Variants in PRIMA1 observed in about 807,000 individuals in gnomAD.
PRIMA1 encodes proline rich membrane anchor 1.
Under a neutral mutation model 17.5 loss-of-function variants are expected in PRIMA1, and 7 were observed. That is an observed-to-expected ratio of 0.40 (90% CI 0.23 to 0.75). The LOEUF is 0.75. Among genes scored for constraint, PRIMA1 ranks in the 30% least tolerant of loss-of-function variants. PRIMA1 has a pLI of 0.37. For synonymous variants in PRIMA1, 97 were observed against 77.9 expected (o/e 1.25, Z -1.29); for missense variants, 200 against 201.8 (o/e 0.99, Z 0.05).
At chr14:93,769,979 C>A (rs563358343) in intron 3 of PRIMA1, among the ~76,000 whole-genome samples, 12 of 152,122 alleles carry the variant, frequency 7.9e-5, no homozygotes, top group Non-Finnish European at 1.3e-4. Flanking sequence ...GGAGAGGGGG[C>A]GCCAAGTGAC....
rs1172258998 is a variant in PRIMA1 at position 93,726,054 on chromosome 14, G to A, written c.360-4508C>T. The A allele has an allele frequency of 4.4e-6, 2 of 456,546 alleles. No individual in the cohort carries two copies. The highest frequency in any genetic ancestry group is 1.4e-4 in the East Asian group (2 of 14,384). The allele number at this position is 456,546 out of a possible 1,614,324, so 28.3% of individuals were successfully genotyped here. The stretch of plus-strand genomic sequence containing the variant: ...GTGAGACTTTCCTTGGCGGCACCCA[G>A]GATTCCTGCTTGTAGGAGGGTGGGC... On this transcript the variant is annotated intron_variant, in intron 4 of 4. Transcript: ENST00000393140. This position sits in a 1 kb window ranked among gnomAD's most constrained non-coding sequence, Gnocchi z 4.2.
At chr14:93,753,937 C>T (rs1214372376) in intron 3 of PRIMA1, among the ~76,000 whole-genome samples, 1 of 152,178 alleles carries the variant, frequency 6.6e-6, no homozygotes, top group East Asian at 1.9e-4. Flanking sequence ...TCACGGGCAC[C>T]GTTGCTTATG....
At chr14:93,782,458 A>T (rs537696759) in intron 2 of PRIMA1, among the ~76,000 whole-genome samples, 15,729 of 149,160 alleles carry the variant, frequency 0.11, 1,016 homozygotes, top group Admixed American at 0.21. Context: ...ATCTCTACAA[A>T]TTTTTTTTTT....
At chr14:93,760,244 G>A (rs1177820894) in intron 3 of PRIMA1, among the ~76,000 whole-genome samples, 5 of 152,140 alleles carry the variant, frequency 3.3e-5, no homozygotes, top group Non-Finnish European at 5.9e-5. Flanking sequence ...TCCCATCTCC[G>A]TGAGATTCAT....
chr14:93,739,624 T>C (rs1337451195), intron 3 of PRIMA1, among the ~76,000 whole-genome samples: 3 of 152,160 alleles, frequency 2.0e-5, no homozygotes, highest in East Asian at 3.9e-4. Context: ...AGGAAGAAGA[T>C]GGCAAGAAGG....
At chr14:93,780,970 T>C (rs1885359126) in intron 2 of PRIMA1, among the ~76,000 whole-genome samples, 1 of 152,242 alleles carries the variant, frequency 6.6e-6, no homozygotes, top group African/African-American at 2.4e-5. Flanking sequence ...CTTTGAATGC[T>C]GATCCAGCCC....
At chr14:93,777,329 A>C (rs1420256924) in intron 3 of PRIMA1, among the ~76,000 whole-genome samples, 1 of 144,592 alleles carries the variant, frequency 6.9e-6, no homozygotes, top group Non-Finnish European at 1.6e-5. Context: ...AGCAACCTGG[A>C]ACAATCCCAT....
chr14:93,725,685 AT>A (rs2076070866), intron 4 of PRIMA1, among the ~76,000 whole-genome samples: 1 of 152,148 alleles, frequency 6.6e-6, no homozygotes. Flanking sequence ...ACGTTAGTCC[AT>A]GTCAAGCACT....
In PRIMA1 at chr14:93,727,031, C is replaced by A. The variant is rs563075397; in HGVS notation, c.360-5485G>T. 3.3e-5 allele frequency among the ~76,000 whole-genome samples: 5 copies of A among 152,292 alleles called. No individual in the cohort carries two copies. The East Asian group carries it at 9.6e-4, about 29-fold the overall frequency. ...ACCTGGGTCAAGAAGCTACAAAAAGCCTTTCTGAGCCTCGAGGGCGTCACC... is the reference window on the plus strand; with the variant it reads ...ACCTGGGTCAAGAAGCTACAAAAAGACTTTCTGAGCCTCGAGGGCGTCACC... On this transcript the variant is annotated intron_variant, in intron 4 of 4. Transcript: ENST00000393140.
intron 3 of PRIMA1, among the ~76,000 whole-genome samples, chr14:93,769,475 A>G (rs770935893): frequency 6.6e-6 from 1 of 152,238 alleles, no homozygotes; most frequent in African/African-American, 2.4e-5. Flanking sequence ...CAATGGCAAC[A>G]GTGAGCTGGG....
chr14:93,725,981 A>C (rs1389251224), intron 4 of PRIMA1: 1 of 456,616 alleles, frequency 2.2e-6, no homozygotes, highest in Non-Finnish European at 4.4e-6. Flanking sequence ...AGATGGCCAC[A>C]GAGGGCTCCC....
chr14:93,763,700 C>A (rs147981116), intron 3 of PRIMA1, among the ~76,000 whole-genome samples: 27 of 152,286 alleles, frequency 1.8e-4, no homozygotes, highest in Non-Finnish European at 3.4e-4. Context: ...TTCCGGTCCT[C>A]AGCTCCTTCC....
chr14:93,725,840 C>A (rs915369722), intron 4 of PRIMA1: 2 of 422,952 alleles, frequency 4.7e-6, no homozygotes, highest in Non-Finnish European at 9.5e-6. Context: ...TCCTACCTAA[C>A]GCGTGCCCCG....
intron 4 of PRIMA1, among the ~76,000 whole-genome samples, chr14:93,731,167 C>T (rs1412217730): frequency 6.6e-6 from 1 of 152,170 alleles, no homozygotes; most frequent in African/African-American, 2.4e-5. Context: ...TGAATAGGCA[C>T]AGAATCCCAT....
intron 2 of PRIMA1, among the ~76,000 whole-genome samples, chr14:93,779,948 A>C (rs1406850074): frequency 1.3e-5 from 2 of 152,116 alleles, no homozygotes; most frequent in Non-Finnish European, 2.9e-5. Flanking sequence ...GCACCCCTCC[A>C]AACCACCTCC....
At chr14:93,787,878 C>A in intron 1 of PRIMA1, 129 bp from the exon 2 acceptor site, 2 of 1,028,620 alleles carry the variant, frequency 1.9e-6, no homozygotes, top group South Asian at 3.3e-5. Flanking sequence ...GTAAACCAAG[C>A]CTGCACTTAC....
intron 3 of PRIMA1, among the ~76,000 whole-genome samples, chr14:93,767,917 T>C (rs1884942183): frequency 6.6e-6 from 1 of 152,142 alleles, no homozygotes; most frequent in Admixed American, 6.5e-5. Context: ...AGGCGGAAGA[T>C]CAGTGGCTGC....
At chr14:93,783,559 C>T (rs1447780924) in intron 2 of PRIMA1, among the ~76,000 whole-genome samples, 1 of 152,198 alleles carries the variant, frequency 6.6e-6, no homozygotes, top group Non-Finnish European at 1.5e-5. Context: ...AAGGAAGTTT[C>T]CCCTGAAGTA....
chr14:93,785,784 C>A (rs764172578), intron 2 of PRIMA1, among the ~76,000 whole-genome samples: 1 of 152,076 alleles, frequency 6.6e-6, no homozygotes, highest in Non-Finnish European at 1.5e-5. Context: ...ACCCATTCTA[C>A]TTGTCTGGAG....
Sources: gnomAD v4.1 joint callset for allele counts (sites outside exome capture counted in the v4.1 genomes callset) on GRCh38, gnomAD v4.1.1 for gene constraint, Gnocchi (gnomAD v3.1) non-coding constraint, MANE v1.5 for transcripts, NCBI Gene and HGNC (gene_info 2026-07-23, HGNC 2026-07-21) for gene names.